The following MOGAT1 variants were observed in gnomAD, a reference collection of about 807,000 sequenced individuals.
MOGAT1 encodes the protein 2-acylglycerol O-acyltransferase 1.
In MOGAT1, 32 loss-of-function variants were observed where a neutral mutation model predicts 31.4. That is an observed-to-expected ratio of 1.02 (90% CI 0.77 to 1.37). MOGAT1 has a LOEUF of 1.37. Among genes scored for constraint, MOGAT1 ranks in the 40% most tolerant of loss-of-function variants. MOGAT1 has a pLI of 0.00. For synonymous variants in MOGAT1, 145 were observed against 144.5 expected (o/e 1.00, Z -0.03); for missense variants, 426 against 402.0 (o/e 1.06, Z -0.51).
intron 5 of MOGAT1, among the ~76,000 whole-genome samples, chr2:222,708,383 C>T (rs1289909467): frequency 1.3e-5 from 2 of 152,196 alleles, no homozygotes; most frequent in Non-Finnish European, 1.5e-5. Flanking sequence ...TGCGCCCGGC[C>T]ATCCTGTACA....
At chr2:222,681,419 A>C (rs1336838531) in intron 1 of MOGAT1, among the ~76,000 whole-genome samples, 7 of 152,220 alleles carry the variant, frequency 4.6e-5, no homozygotes, top group Admixed American at 3.9e-4. Flanking sequence ...TGGATATGAT[A>C]AATGATATAG....
chr2:222,694,400 G>C lies in MOGAT1; in HGVS notation c.517G>C (p.Val173Leu). 1 of 1,613,364 alleles carries C rather than the reference G, an allele frequency of 6.2e-7. No homozygotes were observed. The highest frequency in any genetic ancestry group is 1.1e-5 in the South Asian group (1 of 91,012). ...TTCCAAGAAAAGTGTGTCCTACATG[G>C]TAAGCAAGGAGGGAGGTGGAAACAT... ...SVSKKSVSYM[V>L]SKEGGGNISV... The change falls in exon 4 of 6, where the codon GTA (valine) becomes CTA (leucine). Residue 173 changes from valine (V) to leucine (L), a missense_variant. By Grantham distance (32) the Val-to-Leu change is conservative. Coordinates refer to ENST00000446656, the MANE Select transcript of MOGAT1 (RefSeq NM_058165.3).
chr2:222,689,503 T>C, intron 3 of MOGAT1, 34 bp downstream of exon 3: 1 of 1,592,382 alleles, frequency 6.3e-7, no homozygotes, highest in Non-Finnish European at 8.6e-7. Context: ...TCCACAGTGC[T>C]TTGGGGTAGC....
At chr2:222,671,977 T>G in intron 1 of MOGAT1, 98 bp downstream of exon 1, 11 of 974,964 alleles carry the variant, frequency 1.1e-5, no homozygotes, top group African/African-American at 1.6e-5. Flanking sequence ...CCAACCCTCG[T>G]TCCCCTGTCG....
chr2:222,697,576 CTTTTTT>C (rs35259095), intron 5 of MOGAT1, among the ~76,000 whole-genome samples: 22 of 96,028 alleles, frequency 2.3e-4, no homozygotes, highest in African/African-American at 8.8e-4. Context: ...TTATCAGAAT[CTTTTTT>C]TTTTTTTTTT....
intron 1 of MOGAT1, among the ~76,000 whole-genome samples, chr2:222,678,496 G>A (rs760313057): frequency 1.3e-5 from 2 of 152,158 alleles, no homozygotes; most frequent in African/African-American, 2.4e-5. Flanking sequence ...ATTTATCAGC[G>A]ATGAGCTTTG....
chr2:222,691,440 C>T (rs181350210), intron 3 of MOGAT1, among the ~76,000 whole-genome samples: 144 of 152,124 alleles, frequency 9.5e-4, no homozygotes, highest in African/African-American at 3.3e-3. Context: ...AACTCCTGAC[C>T]TCAGGTGATC....
intron 1 of MOGAT1, among the ~76,000 whole-genome samples, chr2:222,673,672 G>T (rs1269103601): frequency 6.6e-6 from 1 of 152,226 alleles, no homozygotes; most frequent in African/African-American, 2.4e-5. Flanking sequence ...CCACTAAACT[G>T]CTCTCTTAAA....
intron 1 of MOGAT1, among the ~76,000 whole-genome samples, chr2:222,675,481 C>CT (rs66486955): frequency 0.53 from 70,248 of 133,250 alleles, 20,812 homozygotes; most frequent in Middle Eastern, 0.74. Flanking sequence ...TTTTCTTTTT[C>CT]TTTTTTTTTT....
chr2:222,688,930 A>G (rs541138813), intron 2 of MOGAT1, among the ~76,000 whole-genome samples: 7 of 152,318 alleles, frequency 4.6e-5, no homozygotes, highest in Admixed American at 3.9e-4. Flanking sequence ...ACCTCTCATT[A>G]GGCCCCACCT....
At chr2:222,704,351 G>A (rs1227712944) in intron 5 of MOGAT1, among the ~76,000 whole-genome samples, 1 of 152,148 alleles carries the variant, frequency 6.6e-6, no homozygotes, top group Non-Finnish European at 1.5e-5. Context: ...CCGGCCAGGC[G>A]CGGTGGCTCA....
chr2:222,696,412 T>A (rs961070898), intron 5 of MOGAT1, among the ~76,000 whole-genome samples: 2 of 152,220 alleles, frequency 1.3e-5, no homozygotes, highest in African/African-American at 4.8e-5. Context: ...TTTCACTGCA[T>A]CCACACCAAC....
intron 5 of MOGAT1, among the ~76,000 whole-genome samples, chr2:222,709,408 T>G (rs144357286): frequency 3.3e-5 from 5 of 152,332 alleles, no homozygotes; most frequent in African/African-American, 9.6e-5. Flanking sequence ...GGCTGTCAAC[T>G]GTTCCAGAGG....
At chr2:222,684,769 G>T (rs1369352225) in intron 1 of MOGAT1, among the ~76,000 whole-genome samples, 1 of 152,038 alleles carries the variant, frequency 6.6e-6, no homozygotes, top group Non-Finnish European at 1.5e-5. Context: ...TAGAGACGGG[G>T]TTTCACCATG....
At position 222,694,372 on chromosome 2, in the gene MOGAT1, A is replaced by T. The variant is rs752913307; in HGVS notation, c.489A>T (p.Ser163=). The T allele has an allele frequency of 6.2e-7, 1 of 1,607,572 alleles. No homozygotes were observed. Among genetic ancestry groups the T allele is most frequent in the Non-Finnish European group, 8.5e-7 (1 of 1,177,312 alleles). Residue 163 remains serine (S), a synonymous_variant, in exon 4 of 6, where the codon TCA becomes TCT. Transcript: ENST00000446656. ...GTTTTATTCACTAAGGGCTGGTTTC[A>T]GTTTCCAAGAAAAGTGTGTCCTACA... The part of the protein sequence containing the change: ...REYVMSVGLV[S]VSKKSVSYMV...
At chr2:222,671,961 A>T in intron 1 of MOGAT1, 82 bp downstream of exon 1, 1 of 1,123,734 alleles carries the variant, frequency 8.9e-7, no homozygotes, top group Non-Finnish European at 1.3e-6. Context: ...ACCTGCATAG[A>T]ACCTTCCAAC....
intron 1 of MOGAT1, among the ~76,000 whole-genome samples, chr2:222,686,890 A>G (rs1574972167): frequency 6.6e-6 from 1 of 152,138 alleles, no homozygotes; most frequent in African/African-American, 2.4e-5. Context: ...AGGCGGGTGG[A>G]TCACTTGAGG....
chr2:222,672,261 A>G (rs932776010), intron 1 of MOGAT1, among the ~76,000 whole-genome samples: 12 of 152,154 alleles, frequency 7.9e-5, no homozygotes, highest in African/African-American at 2.7e-4. Context: ...CGAACTGTTG[A>G]TTCATAGATG....
In MOGAT1 at chr2:222,695,094, C is replaced by G. The variant is rs770893886; in HGVS notation, c.659C>G (p.Ser220Cys). ...FVKIALTHGA[S>C]LVPVVSFGEN... ...CGTCCCCTTTGTTATTGCAGCGCCT[C>G]TCTGGTCCCAGTGGTTTCTTTTGGT... The change falls in exon 5 of 6, where the codon TCT becomes TGT. Residue 220 changes from serine to cysteine, a missense_variant. Transcript: ENST00000446656. 6.3e-7 allele frequency: 1 copy of G among 1,597,038 alleles called. No individual in the cohort carries two copies. Among genetic ancestry groups the G allele is most frequent in the South Asian group, 1.1e-5 (1 of 87,750 alleles).
Sources: allele counts gnomAD v4.1 joint callset (sites outside exome capture counted in the v4.1 genomes callset), GRCh38; gene constraint gnomAD v4.1.1; transcripts MANE v1.5; gene names NCBI Gene and HGNC (gene_info 2026-07-23, HGNC 2026-07-21).